Variants in C16orf74 observed in about 807,000 individuals in gnomAD.
The protein encoded by C16orf74 is calcimembrin.
Under a neutral mutation model 6.5 loss-of-function variants are expected in C16orf74, and 10 were observed. The ratio of observed to expected loss-of-function variants is 1.54; its 90% CI spans 0.95 to 2.61. C16orf74 has a LOEUF of 2.61. Among genes scored for constraint, C16orf74 ranks in the 30% most tolerant of loss-of-function variants. C16orf74 has a pLI of 0.00. For missense variants in C16orf74, 141 were observed against 105.9 expected (o/e 1.33, Z -1.45); for synonymous variants, 60 against 42.5 (o/e 1.41, Z -1.60).
intron 1 of C16orf74, among the ~76,000 whole-genome samples, chr16:85,748,081 G>GT (rs1479780305): frequency 1.5e-5 from 1 of 65,518 alleles, no homozygotes; most frequent in East Asian, 2.6e-4. Context: ...GCGAGACTCC[G>GT]TCTCAAAAAA....
chr16:85,737,419 C>G (rs1209138166), intron 1 of C16orf74, among the ~76,000 whole-genome samples: 1 of 152,180 alleles, frequency 6.6e-6, no homozygotes, highest in Non-Finnish European at 1.5e-5. Flanking sequence ...CCTTTTCTTC[C>G]GGATTAGGTA....
At chr16:85,737,453 T>C (rs989569688) in intron 1 of C16orf74, among the ~76,000 whole-genome samples, 1 of 152,032 alleles carries the variant, frequency 6.6e-6, no homozygotes, top group Non-Finnish European at 1.5e-5. Context: ...ATCCCAGCAC[T>C]TGGGGAGGCT....
At chr16:85,747,053 G>A (rs1313944249) in intron 1 of C16orf74, among the ~76,000 whole-genome samples, 1 of 150,196 alleles carries the variant, frequency 6.7e-6, no homozygotes, top group Non-Finnish European at 1.5e-5. Flanking sequence ...ACAGGATGGG[G>A]TGGAGGCAGG....
intron 1 of C16orf74, among the ~76,000 whole-genome samples, chr16:85,737,247 C>G (rs1286360181): frequency 6.6e-6 from 1 of 152,040 alleles, no homozygotes; most frequent in East Asian, 1.9e-4. Flanking sequence ...TTGCTGTTCC[C>G]AGAATGGCCC....
chr16:85,726,480 A>G (rs1301605304), intron 2 of C16orf74, among the ~76,000 whole-genome samples: 1 of 152,120 alleles, frequency 6.6e-6, no homozygotes, highest in Non-Finnish European at 1.5e-5. Context: ...CCCCTGGAAC[A>G]TGGCGGTGGC....
intron 2 of C16orf74, among the ~76,000 whole-genome samples, chr16:85,730,953 T>C (rs536779109): frequency 1.3e-5 from 2 of 151,894 alleles, no homozygotes; most frequent in Non-Finnish European, 2.9e-5. Context: ...TAAAATGATG[T>C]TTGGAATATA....
chr16:85,744,892 A>G lies in C16orf74; in HGVS notation c.-19+6034T>C, dbSNP rs1038052555. Among the ~76,000 whole-genome samples, 4 of 150,352 alleles carry G rather than the reference A, an allele frequency of 2.7e-5. No homozygotes were observed. The East Asian group carries it at 7.8e-4, about 29-fold the overall frequency. On this transcript the variant is annotated intron_variant, in intron 1 of 3. Transcript: ENST00000284245. ...TGCAGTGGTTTACGCCTGTAATACC[A>G]TCACTTTGGGAGGCCGAGGTGGGCG...
At chr16:85,731,179 C>T (rs952375962) in intron 2 of C16orf74, among the ~76,000 whole-genome samples, 3 of 152,186 alleles carry the variant, frequency 2.0e-5, no homozygotes, top group Admixed American at 6.5e-5. Context: ...CTCAGTTTAC[C>T]CCAGAGGAAG....
At chr16:85,721,058 C>A (rs1247724617) in intron 2 of C16orf74, among the ~76,000 whole-genome samples, 1 of 152,040 alleles carries the variant, frequency 6.6e-6, no homozygotes, top group Admixed American at 6.6e-5. Context: ...GCCACTGCAC[C>A]CTAGCCTAGG....
At chr16:85,740,152 G>C (rs2054287712) in intron 1 of C16orf74, among the ~76,000 whole-genome samples, 1 of 145,520 alleles carries the variant, frequency 6.9e-6, no homozygotes, top group Admixed American at 7.3e-5. Flanking sequence ...AGAGGTTGTA[G>C]GGAGCCGAGA....
At chr16:85,737,204 C>T (rs752878498) in intron 1 of C16orf74, among the ~76,000 whole-genome samples, 24 of 152,096 alleles carry the variant, frequency 1.6e-4, no homozygotes, top group Non-Finnish European at 3.1e-4. Flanking sequence ...GAAAGGAGGT[C>T]GAGGTTTCCA....
At chr16:85,734,254 G>A (rs939402344) in intron 2 of C16orf74, among the ~76,000 whole-genome samples, 3 of 152,128 alleles carry the variant, frequency 2.0e-5, no homozygotes, top group African/African-American at 7.2e-5. Flanking sequence ...CCCTGCTCTC[G>A]TGCTCCCGGT....
At chr16:85,708,173 T>C in intron 3 of C16orf74, 107 bp from the exon 4 acceptor site, 1 of 953,284 alleles carries the variant, frequency 1.0e-6, no homozygotes, top group South Asian at 1.5e-5. Flanking sequence ...CCTTGCTTTC[T>C]GGTGCTGCCA....
chr16:85,719,784 A>G lies in C16orf74; in HGVS notation c.29-9477T>C, dbSNP rs573351594. 1.3e-4 allele frequency among the ~76,000 whole-genome samples: 19 copies of G among 150,906 alleles called. No individual in the cohort carries two copies. In the South Asian group the frequency reaches 2.7e-3, roughly 22 times the overall value. On this transcript the variant is annotated intron_variant, in intron 2 of 3. Coordinates refer to ENST00000284245, the MANE Select transcript of C16orf74 (RefSeq NM_206967.3). ...CACACAAAGGCCCTGAGGCAGGAAC[A>G]GAGGGGCCACAGGCCACAGCACACA...
intron 1 of C16orf74, among the ~76,000 whole-genome samples, chr16:85,742,434 A>T (rs1320652171): frequency 1.3e-5 from 2 of 152,058 alleles, no homozygotes; most frequent in Non-Finnish European, 2.9e-5. Context: ...CTCTCGCCAC[A>T]TGATCTCTGT....
intron 2 of C16orf74, among the ~76,000 whole-genome samples, chr16:85,720,937 AAG>A (rs1209787886): frequency 6.7e-6 from 1 of 149,068 alleles, no homozygotes; most frequent in African/African-American, 2.5e-5. Flanking sequence ...AAAATACAAA[AAG>A]AATTAGCCAG....
intron 1 of C16orf74, chr16:85,743,212 G>A (rs2054329654): frequency 1.3e-5 from 2 of 152,188 alleles, no homozygotes; most frequent in South Asian, 2.1e-4. Context: ...AGGAGTTACA[G>A]CTTTGATTCT....
intron 1 of C16orf74, 95 bp from the exon 2 acceptor site, chr16:85,735,330 C>A: frequency 1.4e-6 from 1 of 737,160 alleles, no homozygotes; most frequent in South Asian, 2.8e-5. Flanking sequence ...CTGATGAGTG[C>A]AAAACAGGAG....
rs1225491994 is a variant in C16orf74, at chr16:85,748,382, G to A, written c.-19+2544C>T. ...TGGGAGGCTGAGGTGAGTGGATCACGAGGTCAGGAGTTTGAGGCCAGCCTG... is the reference window on the plus strand; with the variant it reads ...TGGGAGGCTGAGGTGAGTGGATCACAAGGTCAGGAGTTTGAGGCCAGCCTG... On this transcript the variant is annotated intron_variant, in intron 1 of 3. Transcript: ENST00000284245. 4.0e-5 allele frequency among the ~76,000 whole-genome samples: 6 copies of A among 151,706 alleles called. No homozygotes were observed. The East Asian group carries it at 9.8e-4, about 25-fold the overall frequency.
Sources: allele counts gnomAD v4.1 joint callset (sites outside exome capture counted in the v4.1 genomes callset), GRCh38; gene constraint gnomAD v4.1.1; transcripts MANE v1.5; gene names NCBI Gene and HGNC (gene_info 2026-07-23, HGNC 2026-07-21).